TLE6: variants seen among roughly 807,000 people sequenced by gnomAD.
TLE6 encodes the protein transducin-like enhancer protein 6.
Under a neutral mutation model 77.1 loss-of-function variants are expected in TLE6, and 72 were observed. That is an observed-to-expected ratio of 0.93 (90% CI 0.77 to 1.14). The LOEUF (loss-of-function observed/expected upper bound fraction) is 1.14, where lower values mean the gene tolerates loss of function less well. Ranked by LOEUF, TLE6 falls within the 50% of genes most tolerant of loss-of-function variation. The pLI is 0.00. For missense variants in TLE6, 843 were observed against 747.6 expected, an observed-to-expected ratio of 1.13 and a Z score of -1.49; for synonymous variants, 366 against 287.3, an observed-to-expected ratio of 1.27 and a Z score of -2.77.
intron 13 of TLE6, among the ~76,000 whole-genome samples, chr19:2,991,391 TATATAC>T (rs1201643573): frequency 1.0e-4 from 12 of 114,820 alleles, no homozygotes; most frequent in African/African-American, 4.1e-4. Flanking sequence ...TATATATATA[TATATAC>T]ACACACACAC....
At chr19:2,991,391 T>C (rs1330840162) in intron 13 of TLE6, among the ~76,000 whole-genome samples, 17,028 of 114,024 alleles carry the variant, frequency 0.15, 3,126 homozygotes, top group African/African-American at 0.48. Flanking sequence ...TATATATATA[T>C]ATATACACAC....
chr19:2,994,772 C>G (rs2089171498), intron 16 of TLE6, 128 bp from the exon 17 acceptor site: 4 of 560,072 alleles, frequency 7.1e-6, no homozygotes, highest in Non-Finnish European at 1.3e-5. Context: ...CCACTGCACT[C>G]CAGCCTGGGC....
chr19:2,988,318 C>T (rs942145258), intron 11 of TLE6, among the ~76,000 whole-genome samples, 190 bp downstream of exon 11: 6 of 151,994 alleles, frequency 3.9e-5, no homozygotes, highest in Non-Finnish European at 7.4e-5. Flanking sequence ...AGTGTTAGGC[C>T]GGGCGCGGTG....
intron 5 of TLE6, among the ~76,000 whole-genome samples, chr19:2,982,892 C>G (rs535818701): frequency 6.6e-6 from 1 of 152,118 alleles, no homozygotes; most frequent in Non-Finnish European, 1.5e-5. Context: ...CGGCTGTGTT[C>G]CCCTGCGTGT....
At chr19:2,978,561 A>G (rs566140098) in intron 2 of TLE6, among the ~76,000 whole-genome samples, 2 of 152,250 alleles carry the variant, frequency 1.3e-5, no homozygotes, top group Admixed American at 1.3e-4. Flanking sequence ...ACCAGCCTGG[A>G]CAACGTAGTG....
At chr19:2,978,801 C>T (rs1439176019) in intron 2 of TLE6, among the ~76,000 whole-genome samples, 1 of 152,136 alleles carries the variant, frequency 6.6e-6, no homozygotes, top group East Asian at 1.9e-4. Flanking sequence ...AACACAGGAA[C>T]ACATCATGTA....
At chr19:2,989,842 C>T (rs557856820) in intron 13 of TLE6, 57 bp downstream of exon 13, 116 of 1,594,082 alleles carry the variant, frequency 7.3e-5, no homozygotes, top group Admixed American at 1.0e-4. Flanking sequence ...GTGGCCACCT[C>T]TGCCCACCTT....
intron 14 of TLE6, 107 bp downstream of exon 14, chr19:2,992,091 T>A (rs1200822125): frequency 1.5e-6 from 2 of 1,378,606 alleles, no homozygotes; most frequent in Non-Finnish European, 2.0e-6. Context: ...ATCCTAGCAC[T>A]TTGGGAGGCC....
In TLE6 at chr19:2,989,690, G is replaced by A. The variant is rs878857240; in HGVS notation, c.1149G>A (p.Gln383=). 1.2e-6 allele frequency: 2 copies of A among 1,614,222 alleles called. No homozygotes were observed. Among genetic ancestry groups the A allele is most frequent in the Non-Finnish European group, 1.7e-6 (2 of 1,180,030 alleles). Residue 383 remains glutamine, a synonymous_variant, in exon 13 of 17, where the codon CAG becomes CAA. Transcript: ENST00000246112. ...TGCCCTGTGCAGGTCTCAACTGCCA[G>A]GCCCTGGATGCCAACCTGGATGCCA... is the stretch of plus-strand genomic sequence containing the variant. ...EQLPCAGLNC[Q]ALDANLDANL...
chr19:2,994,092 C>A lies in TLE6; in HGVS notation c.1611C>A (p.Phe537Leu). The A allele has an allele frequency of 2.5e-6, 4 of 1,576,010 alleles. No homozygotes were observed. The highest frequency in any genetic ancestry group is 2.3e-5 in the South Asian group (2 of 87,478). Residue 537 changes from phenylalanine (F) to leucine (L), a missense_variant, in exon 16 of 17, where the codon TTC becomes TTA. Physicochemically the swap from Phe to Leu is conservative, Grantham distance 22. Transcript: ENST00000246112. ...VYSMPAGTKV[F>L]EVPEMSPVTC... ...GCATGCCGGCGGGGACAAAAGTGTT[C>A]GAGGTACTGCGGTGGGCTGGGGGCA...
rs374365091 is a variant in TLE6, at chr19:2,989,215, C to A, written c.895C>A (p.Arg299=). 3.7e-6 allele frequency: 6 copies of A among 1,614,134 alleles called. No individual in the cohort carries two copies. In the African/African-American group the frequency reaches 6.7e-5, roughly 18 times the overall value. The change falls in exon 12 of 17, where the codon CGG becomes AGG. Residue 299 remains arginine, a synonymous_variant. Coordinates refer to ENST00000246112, the MANE Select transcript of TLE6 (RefSeq NM_001143986.2). ...CGCCACGGCCATCAGCAGCTTCACG[C>A]GGCACGTGTTCACCTGTGGCAGAAG... ...VLATAISSFT[R]HVFTCGRRGI... is the part of the protein sequence containing the mutation.
chr19:2,985,534 G>C (rs903540248), intron 5 of TLE6, among the ~76,000 whole-genome samples: 1 of 144,162 alleles, frequency 6.9e-6, no homozygotes, highest in African/African-American at 2.6e-5. Flanking sequence ...TCAGCCTCCC[G>C]AGTAGCTGGG....
Position 2,991,972 on chromosome 19 carries a change from A to C in TLE6, c.1374A>C (p.Gln458His). The C allele has an allele frequency of 6.2e-7, 1 of 1,613,734 alleles. No homozygotes were observed. The highest frequency in any genetic ancestry group is 1.7e-4 in the Middle Eastern group (1 of 5,974). Residue 458 changes from glutamine to histidine, a missense_variant, in exon 14 of 17, where the codon CAA (glutamine) becomes CAC (histidine). Gln to His is a conservative substitution (Grantham distance 24, BLOSUM62 0). Transcript: ENST00000246112. ...QRTIMKPLEYQFKSQIMSLSH... is the reference protein window; with the variant it reads ...QRTIMKPLEYHFKSQIMSLSH... ...CCATCATGAAACCTCTGGAGTACCA[A>C]TTCAAGTCTCAGGTGCGGAGGCCGG...
chr19:2,987,880 CT>C lies in TLE6; in HGVS notation c.626-17del. The C allele has an allele frequency of 6.2e-7, 1 of 1,611,634 alleles. No individual in the cohort carries two copies. Among genetic ancestry groups the C allele is most frequent in the Non-Finnish European group, 8.5e-7 (1 of 1,178,328 alleles). ...GGAGCCAATGCAAGCCGCTTAGCCC[CT>C]CTTGTCTCCCCACTAGCCCCCAGGC... On this transcript the variant is annotated splice_polypyrimidine_tract_variant and intron_variant, in intron 9 of 16. Transcript: ENST00000246112.
intron 15 of TLE6, 101 bp downstream of exon 15, chr19:2,993,683 C>G: frequency 7.0e-7 from 1 of 1,421,244 alleles, no homozygotes; most frequent in Non-Finnish European, 9.4e-7. Context: ...TAGGACACCT[C>G]AGAACCCTTC....
rs1414328032 is a variant in TLE6 at position 2,991,828 on chromosome 19, G to A, written c.1245-15G>A. 5 of 1,612,988 alleles carry A rather than the reference G, an allele frequency of 3.1e-6. No homozygotes were observed. The highest frequency in any genetic ancestry group is 4.2e-6 in the Non-Finnish European group (5 of 1,179,290). On this transcript the variant is annotated splice_polypyrimidine_tract_variant and intron_variant, in intron 13 of 16. Transcript: ENST00000246112. Reference sequence around the variant, plus strand: ...AGTCTTGACCTGATTGCCTCCCGATGTCCCTTCTGGCCAGGGACCTCAAGG... The same window carrying A: ...AGTCTTGACCTGATTGCCTCCCGATATCCCTTCTGGCCAGGGACCTCAAGG...
intron 16 of TLE6, 22 bp from the exon 17 acceptor site, chr19:2,994,878 C>G (rs2089174415): frequency 2.7e-6 from 4 of 1,499,828 alleles, no homozygotes; most frequent in African/African-American, 1.4e-5. Flanking sequence ...CCCCAGCTCA[C>G]TGCCCACTGC....
chr19:2,994,130 G>A, intron 16 of TLE6, 35 bp downstream of exon 16: 2 of 1,558,968 alleles, frequency 1.3e-6, no homozygotes, highest in Non-Finnish European at 1.7e-6. Flanking sequence ...ACCCGGGGGT[G>A]GCCCCAAAGG....
intron 3 of TLE6, 94 bp from the exon 4 acceptor site, chr19:2,981,444 A>G: frequency 4.3e-6 from 6 of 1,411,416 alleles, no homozygotes; most frequent in Admixed American, 2.0e-5. Context: ...TTCCAGCTTC[A>G]TTGAGACCCT....
Sources: allele counts gnomAD v4.1 joint callset (sites outside exome capture counted in the v4.1 genomes callset), GRCh38; gene constraint gnomAD v4.1.1; transcripts MANE v1.5; gene names NCBI Gene and HGNC (gene_info 2026-07-23, HGNC 2026-07-21).